The following AP2A2 variants were observed in gnomAD, a reference collection of about 807,000 sequenced individuals.
The protein encoded by AP2A2 is AP-2 complex subunit alpha-2.
A neutral mutation model predicts 104.2 loss-of-function variants in AP2A2; 32 were observed. That is an observed-to-expected ratio of 0.31 (90% CI 0.23 to 0.41). The LOEUF is 0.41. Ranked by LOEUF, AP2A2 falls within the 10% of genes least tolerant of loss-of-function variation. The pLI, the probability that AP2A2 is intolerant of heterozygous loss-of-function variation, is 1.00. For synonymous variants in AP2A2, 539 were observed against 533.3 expected, an observed-to-expected ratio of 1.01 and a Z score of -0.15; for missense variants, 912 against 1,261.0, an observed-to-expected ratio of 0.72 and a Z score of 4.19.
At chr11:930,315 T>C (rs1021186699) in intron 1 of AP2A2, among the ~76,000 whole-genome samples, 6 of 152,110 alleles carry the variant, frequency 3.9e-5, no homozygotes, top group Admixed American at 6.6e-5. Context: ...TGTCAAGCTC[T>C]GCCCCTCAAA....
intron 2 of AP2A2, among the ~76,000 whole-genome samples, chr11:964,726 A>G (rs2134589968): frequency 6.6e-6 from 1 of 152,196 alleles, no homozygotes; most frequent in African/African-American, 2.4e-5. Context: ...CCTGCCGAAG[A>G]CAGAAATGGA....
At chr11:997,276 C>A (rs1274227432) in intron 14 of AP2A2, among the ~76,000 whole-genome samples, 2 of 152,202 alleles carry the variant, frequency 1.3e-5, no homozygotes, top group African/African-American at 4.8e-5. Context: ...GTGCGTGTCC[C>A]CGGGTGTGCT....
chr11:964,674 GAACAACAAC>G (rs766426297), intron 2 of AP2A2, among the ~76,000 whole-genome samples: 11 of 151,802 alleles, frequency 7.2e-5, no homozygotes, highest in Non-Finnish European at 1.3e-4. Flanking sequence ...AAAATGTTGT[GAACAACAAC>G]AACAACAACA....
At chr11:1,010,233 T>C (rs2133798924) in intron 21 of AP2A2, 1 of 511,534 alleles carries the variant, frequency 2.0e-6, no homozygotes, top group Non-Finnish European at 3.5e-6. Context: ...CCGTTTCACT[T>C]GGGTGGCACC....
At chr11:1,006,159 G>A (rs1302911595) in intron 16 of AP2A2, among the ~76,000 whole-genome samples, 1 of 152,258 alleles carries the variant, frequency 6.6e-6, no homozygotes, top group Non-Finnish European at 1.5e-5. Context: ...GGCGTCCCTG[G>A]AAAAGATGCT....
chr11:935,421 G>A (rs894013956), intron 1 of AP2A2, among the ~76,000 whole-genome samples: 1 of 151,648 alleles, frequency 6.6e-6, no homozygotes, highest in Non-Finnish European at 1.5e-5. Context: ...ACCCACCTCG[G>A]CCTCTCAAAG....
At chr11:955,026 C>T (rs1206654602) in intron 1 of AP2A2, among the ~76,000 whole-genome samples, 1 of 152,216 alleles carries the variant, frequency 6.6e-6, no homozygotes, top group Non-Finnish European at 1.5e-5. Flanking sequence ...GATCTGAGCT[C>T]TGTTGATTCT....
chr11:927,903 A>G (rs185687669), intron 1 of AP2A2, among the ~76,000 whole-genome samples: 47 of 151,930 alleles, frequency 3.1e-4, no homozygotes, highest in Non-Finnish European at 3.8e-4. Flanking sequence ...TGTTTGTTAC[A>G]TAATGAGACC....
intron 1 of AP2A2, among the ~76,000 whole-genome samples, chr11:954,820 C>T (rs138419854): frequency 8.6e-5 from 13 of 152,024 alleles, no homozygotes; most frequent in Middle Eastern, 3.4e-3. Flanking sequence ...TGTTTCTGTC[C>T]CACAGAGGAG....
chr11:930,918 G>T (rs1034581732), intron 1 of AP2A2, among the ~76,000 whole-genome samples: 2 of 152,128 alleles, frequency 1.3e-5, no homozygotes, highest in Admixed American at 1.3e-4. Context: ...TTCAGATTTC[G>T]TTAGATCGAC....
At chr11:948,952 C>T (rs1431252812) in intron 1 of AP2A2, among the ~76,000 whole-genome samples, 1 of 152,062 alleles carries the variant, frequency 6.6e-6, no homozygotes, top group Non-Finnish European at 1.5e-5. Context: ...GTCACACTTA[C>T]TGAGCTTGTC....
chr11:941,501 T>G (rs1436658877), intron 1 of AP2A2, among the ~76,000 whole-genome samples: 3 of 152,054 alleles, frequency 2.0e-5, no homozygotes, highest in Non-Finnish European at 1.5e-5. Context: ...AGGCTGGTCC[T>G]GAACTCCTGG....
intron 1 of AP2A2, among the ~76,000 whole-genome samples, chr11:950,349 A>G (rs1226077992): frequency 6.9e-6 from 1 of 145,116 alleles, no homozygotes; most frequent in East Asian, 2.0e-4. Context: ...TCGCTCTGTC[A>G]CCAGGCTGGA....
At chr11:994,748 C>G (rs1400894072) in intron 14 of AP2A2, among the ~76,000 whole-genome samples, 25 of 102,958 alleles carry the variant, frequency 2.4e-4, no homozygotes, top group Admixed American at 9.8e-5. Flanking sequence ...TGGACGCCCC[C>G]CTGGCCTGTC....
rs545901877 is a variant in AP2A2, at chr11:963,491, G to A, written c.136+3986G>A. Among the ~76,000 whole-genome samples, 4 of 152,262 alleles carry A rather than the reference G, an allele frequency of 2.6e-5. No homozygotes were observed. The South Asian group carries it at 6.2e-4, about 24-fold the overall frequency. On this transcript the variant is annotated intron_variant, in intron 2 of 21. Transcript: ENST00000448903. Reference sequence around the variant, plus strand: ...TTATACCAGGTCTTTGAAGTCTGGTGTGTGTGTCACACTTAAGAGTGAGTC... The same window carrying A: ...TTATACCAGGTCTTTGAAGTCTGGTATGTGTGTCACACTTAAGAGTGAGTC...
intron 14 of AP2A2, among the ~76,000 whole-genome samples, chr11:998,457 C>T (rs550581426): frequency 6.6e-6 from 1 of 151,058 alleles, no homozygotes; most frequent in East Asian, 1.9e-4. Flanking sequence ...TTTGAAAGTA[C>T]AGTGTGACAC....
At chr11:934,456 C>G (rs987641042) in intron 1 of AP2A2, among the ~76,000 whole-genome samples, 1 of 152,062 alleles carries the variant, frequency 6.6e-6, no homozygotes, top group South Asian at 2.1e-4. Context: ...GTAGCCCTGT[C>G]GAGAGCCTGG....
At chr11:999,217 G>T (rs761052954) in intron 14 of AP2A2, among the ~76,000 whole-genome samples, 12 of 152,180 alleles carry the variant, frequency 7.9e-5, no homozygotes, top group Admixed American at 1.3e-4. Flanking sequence ...CTTTCCTTGT[G>T]CCTTTGCCCC....
chr11:935,235 T>C (rs936041858), intron 1 of AP2A2, among the ~76,000 whole-genome samples: 1 of 152,156 alleles, frequency 6.6e-6, no homozygotes, highest in African/African-American at 2.4e-5. Flanking sequence ...TTTGTATTTT[T>C]TTTAGTAGAG....
Sources: allele counts gnomAD v4.1 joint callset (sites outside exome capture counted in the v4.1 genomes callset), GRCh38; gene constraint gnomAD v4.1.1; transcripts MANE v1.5; gene names NCBI Gene and HGNC (gene_info 2026-07-23, HGNC 2026-07-21).